C1GALT1: variants seen among roughly 807,000 people sequenced by gnomAD.
The protein encoded by C1GALT1 is glycoprotein-N-acetylgalactosamine 3-beta-galactosyltransferase 1.
In C1GALT1, 11 loss-of-function variants were observed where a neutral mutation model predicts 31.0. The ratio of observed to expected loss-of-function variants is 0.36; its 90% CI spans 0.22 to 0.59. The LOEUF (loss-of-function observed/expected upper bound fraction) is 0.59. Among genes scored for constraint, C1GALT1 ranks in the 20% least tolerant of loss-of-function variants. The pLI, the probability that C1GALT1 is intolerant of heterozygous loss-of-function variation, is 0.79. For synonymous variants in C1GALT1, 175 were observed against 143.6 expected, an observed-to-expected ratio of 1.22 and a Z score of -1.56; for missense variants, 424 against 425.2, an observed-to-expected ratio of 1.00 and a Z score of 0.03.
At chr7:7,178,679 A>T (rs926798255), upstream of C1GALT1, among the ~76,000 whole-genome samples, 29 of 152,168 alleles carry the variant, frequency 1.9e-4, no homozygotes, top group Admixed American at 9.8e-4. Flanking sequence ...AGCAAAGATA[A>T]TCCTAACATT....
chr7:7,223,975 A>G (rs1399396226), intron 1 of C1GALT1, among the ~76,000 whole-genome samples: 2 of 152,110 alleles, frequency 1.3e-5, no homozygotes, highest in African/African-American at 4.8e-5. Context: ...TTTGTCCTGA[A>G]TATTGGATTT....
At chr7:7,226,998 A>AATAG (rs1448486958) in intron 1 of C1GALT1, among the ~76,000 whole-genome samples, 3 of 152,216 alleles carry the variant, frequency 2.0e-5, no homozygotes, top group Non-Finnish European at 4.4e-5. Flanking sequence ...GCAAGAAATC[A>AATAG]ATAGATAGTG....
chr7:7,167,299 A>G (rs1344104786), intron 2 of C1GALT1, among the ~76,000 whole-genome samples: 1 of 152,208 alleles, frequency 6.6e-6, no homozygotes, highest in Non-Finnish European at 1.5e-5. Context: ...CAAACTAGAC[A>G]TAATATTGGG....
At position 7,219,740 on chromosome 7, in the gene C1GALT1, T is replaced by A. The variant is rs1337862107; in HGVS notation, c.-17-14563T>A. On this transcript the variant is annotated intron_variant, in intron 1 of 3. Transcript: ENST00000436587. ...ATTGAAATATTAGAAGCATTTTAAG[T>A]ATTTTGGTTTATTTTCTTCTAGTCT... is the stretch of plus-strand genomic sequence containing the variant. Among the ~76,000 whole-genome samples, 4 of 152,280 alleles carry A rather than the reference T, an allele frequency of 2.6e-5. No homozygotes were observed. In the East Asian group the frequency reaches 7.7e-4, roughly 29 times the overall value.
At chr7:7,228,321 T>A (rs1288904298) in intron 1 of C1GALT1, among the ~76,000 whole-genome samples, 1 of 152,200 alleles carries the variant, frequency 6.6e-6, no homozygotes, top group East Asian at 1.9e-4. Flanking sequence ...GGAGTTCTTT[T>A]GTATCTGAAA....
chr7:7,205,682 C>G (rs1188789200), intron 1 of C1GALT1, among the ~76,000 whole-genome samples: 1 of 152,008 alleles, frequency 6.6e-6, no homozygotes, highest in Admixed American at 6.6e-5. Context: ...TCTTTTGTAA[C>G]CTTTTTTGAT....
At chr7:7,198,773 G>A (rs920645810) in intron 1 of C1GALT1, among the ~76,000 whole-genome samples, 1 of 152,198 alleles carries the variant, frequency 6.6e-6, no homozygotes, top group South Asian at 2.1e-4. Context: ...GAGGGTGTAT[G>A]TGTCCAGGAA....
chr7:7,196,385 A>G (rs1193981166), intron 1 of C1GALT1, among the ~76,000 whole-genome samples: 1 of 152,110 alleles, frequency 6.6e-6, no homozygotes, highest in Admixed American at 6.5e-5. Flanking sequence ...CCTACAGAGG[A>G]CATGAACTCA....
At chr7:7,184,618 T>A (rs1473813049) in intron 1 of C1GALT1, among the ~76,000 whole-genome samples, 2 of 152,212 alleles carry the variant, frequency 1.3e-5, no homozygotes, top group African/African-American at 2.4e-5. Context: ...CATTATGCAG[T>A]TTAACATTAT....
At position 7,246,877 on chromosome 7, in the gene C1GALT1, T is replaced by G. The variant is rs1281148528; in HGVS notation, c.*3150T>G. On this transcript the variant is annotated 3_prime_UTR_variant, in exon 4 of 4. Coordinates refer to ENST00000436587, the MANE Select transcript of C1GALT1 (RefSeq NM_020156.5). Reference sequence around the variant, plus strand: ...AGTGTAGTCCAGGATCACACTATATTAAATATAAAGATAACTTAAAGGATC... The same window carrying G: ...AGTGTAGTCCAGGATCACACTATATGAAATATAAAGATAACTTAAAGGATC... 2.0e-5 allele frequency: 3 copies of G among 152,180 alleles called. No homozygotes were observed. The highest frequency in any genetic ancestry group is 7.2e-5 in the African/African-American group (3 of 41,440). The allele number at this position is 152,180 out of a possible 1,614,324, so 9.4% of individuals were successfully genotyped here.
intron 1 of C1GALT1, among the ~76,000 whole-genome samples, chr7:7,197,424 A>G (rs1438663840): frequency 6.6e-6 from 1 of 152,164 alleles, no homozygotes; most frequent in Non-Finnish European, 1.5e-5. Flanking sequence ...TACCAGTACC[A>G]TGCTGTTTTG....
At chr7:7,233,507 A>G (rs1297921600) in intron 1 of C1GALT1, among the ~76,000 whole-genome samples, 1 of 152,196 alleles carries the variant, frequency 6.6e-6, no homozygotes, top group Admixed American at 6.5e-5. Flanking sequence ...TCCTGACTTC[A>G]AGTGATCCAC....
At chr7:7,211,275 T>G (rs1365277806) in intron 1 of C1GALT1, among the ~76,000 whole-genome samples, 1 of 152,162 alleles carries the variant, frequency 6.6e-6, no homozygotes, top group Non-Finnish European at 1.5e-5. Flanking sequence ...AAGACTGGAA[T>G]GTATTAAAGA....
At chr7:7,213,359 G>A (rs1304417804) in intron 1 of C1GALT1, among the ~76,000 whole-genome samples, 1 of 152,142 alleles carries the variant, frequency 6.6e-6, no homozygotes, top group Non-Finnish European at 1.5e-5. Flanking sequence ...CCTTAATTGT[G>A]ATTGACAGCA....
intron 1 of C1GALT1, among the ~76,000 whole-genome samples, chr7:7,213,976 C>A (rs1438073907): frequency 6.6e-6 from 1 of 152,212 alleles, no homozygotes; most frequent in Non-Finnish European, 1.5e-5. Context: ...ATCAGTCCAT[C>A]CCTGATGGGA....
chr7:7,238,797 GGAGATTCCA>G lies in C1GALT1; in HGVS notation c.769_777del (p.Ser257_Asp259del), dbSNP rs1783485658. 6.2e-7 allele frequency: 1 copy of G among 1,613,642 alleles called. No individual in the cohort carries two copies. The highest frequency in any genetic ancestry group is 1.7e-5 in the Admixed American group (1 of 59,982). On this transcript the variant is annotated inframe_deletion, in exon 3 of 4. Transcript: ENST00000436587. This position sits in a 1 kb window ranked among gnomAD's most constrained non-coding sequence, Gnocchi z 5.2. ...CATGGAAATTATGAATGTAGAAGCA[GGAGATTCCA>G]GAGATACCATTGGAAAAGAAACTTT...
chr7:7,232,370 C>T (rs1046621319), intron 1 of C1GALT1, among the ~76,000 whole-genome samples: 1 of 152,086 alleles, frequency 6.6e-6, no homozygotes, highest in Non-Finnish European at 1.5e-5. Context: ...TATTTCAAAG[C>T]AATTTTGATT....
At chr7:7,183,595 G>C in intron 1 of C1GALT1, 4 of 984,862 alleles carry the variant, frequency 4.1e-6, no homozygotes, top group Non-Finnish European at 4.8e-6. Context: ...TTGAATTTGG[G>C]TAAGTCGTAC....
At chr7:7,220,290 TACTC>T (rs1157229439) in intron 1 of C1GALT1, among the ~76,000 whole-genome samples, 1 of 152,360 alleles carries the variant, frequency 6.6e-6, no homozygotes, top group East Asian at 1.9e-4. Context: ...AATGAATAAT[TACTC>T]AGTGTTAGCT....
Sources: allele counts gnomAD v4.1 joint callset (sites outside exome capture counted in the v4.1 genomes callset), GRCh38; gene constraint gnomAD v4.1.1; non-coding constraint Gnocchi (gnomAD v3.1); transcripts MANE v1.5; gene names NCBI Gene and HGNC (gene_info 2026-07-23, HGNC 2026-07-21).